GRM8: variants seen among roughly 807,000 people sequenced by gnomAD.
The protein encoded by GRM8 is glutamate metabotropic receptor 8.
Under a neutral mutation model 87.2 loss-of-function variants are expected in GRM8, and 47 were observed. The observed-to-expected ratio is 0.54, with a 90% CI of 0.43 to 0.69. The LOEUF (loss-of-function observed/expected upper bound fraction) is 0.69. GRM8 is among the 30% of genes least tolerant of loss of function. The probability of loss-of-function intolerance (pLI) is 0.00; values close to 1 mark genes in which losing one functional copy is unlikely to be tolerated. For synonymous variants in GRM8, 396 were observed against 404.5 expected (o/e 0.98, Z 0.25); for missense variants, 1,019 against 1,139.2 (o/e 0.89, Z 1.52).
At chr7:126,697,487 G>A (rs1402209121) in intron 7 of GRM8, among the ~76,000 whole-genome samples, 1 of 152,032 alleles carries the variant, frequency 6.6e-6, no homozygotes, top group African/African-American at 2.4e-5. Context: ...AAATATATAT[G>A]TAATATACAT....
intron 6 of GRM8, among the ~76,000 whole-genome samples, chr7:126,828,297 C>T (rs1318568056): frequency 6.6e-6 from 1 of 152,096 alleles, no homozygotes; most frequent in Non-Finnish European, 1.5e-5. Flanking sequence ...GTACCAGTTC[C>T]TCCTTGTACC....
At chr7:126,799,993 C>G (rs1483261137) in intron 6 of GRM8, among the ~76,000 whole-genome samples, 1 of 152,162 alleles carries the variant, frequency 6.6e-6, no homozygotes, top group East Asian at 1.9e-4. Flanking sequence ...TTCCAATTAC[C>G]TTTTCAGAAG....
At chr7:127,205,032 C>T (rs1361958) in intron 2 of GRM8, among the ~76,000 whole-genome samples, 22,836 of 152,202 alleles carry the variant, frequency 0.15, 2,172 homozygotes, top group Middle Eastern at 0.21. Context: ...CAATAGCCTT[C>T]GCCTTTTCCA....
intron 8 of GRM8, among the ~76,000 whole-genome samples, chr7:126,585,025 T>A (rs1795965353): frequency 6.6e-6 from 1 of 152,178 alleles, no homozygotes; most frequent in South Asian, 2.1e-4. Context: ...ATAAAGAAGA[T>A]CTCTGAATTC....
intron 7 of GRM8, among the ~76,000 whole-genome samples, chr7:126,615,439 A>G (rs961442178): frequency 3.3e-5 from 5 of 152,230 alleles, no homozygotes; most frequent in Non-Finnish European, 5.9e-5. Context: ...TGTAAAGACC[A>G]TCAAGGCTAG....
At chr7:126,897,035 G>A (rs1801609575) in intron 6 of GRM8, among the ~76,000 whole-genome samples, 1 of 152,126 alleles carries the variant, frequency 6.6e-6, no homozygotes, top group African/African-American at 2.4e-5. Context: ...ATGAATGAAT[G>A]GATGGATGAA....
intron 3 of GRM8, among the ~76,000 whole-genome samples, chr7:126,963,004 TATAC>T (rs1809473618): frequency 6.6e-6 from 1 of 152,240 alleles, no homozygotes; most frequent in African/African-American, 2.4e-5. Context: ...TAAATATACA[TATAC>T]ATTACCTGTG....
At chr7:127,041,212 A>G (rs1323246006) in intron 3 of GRM8, among the ~76,000 whole-genome samples, 5 of 152,240 alleles carry the variant, frequency 3.3e-5, no homozygotes, top group South Asian at 2.1e-4. Context: ...AGGGGAACAA[A>G]ATGGGGCATA....
intron 7 of GRM8, among the ~76,000 whole-genome samples, chr7:126,733,678 T>C: frequency 6.6e-6 from 1 of 151,976 alleles, no homozygotes. Flanking sequence ...CAAAAATACA[T>C]CATCATGTTG....
chr7:127,016,741 C>T (rs1487468918), intron 3 of GRM8, among the ~76,000 whole-genome samples: 2 of 152,018 alleles, frequency 1.3e-5, no homozygotes, highest in Non-Finnish European at 2.9e-5. Context: ...ATGTAAGTCA[C>T]GAATCTAAAG....
chr7:127,025,939 T>C (rs1816737535), intron 3 of GRM8, among the ~76,000 whole-genome samples: 1 of 152,052 alleles, frequency 6.6e-6, no homozygotes, highest in Non-Finnish European at 1.5e-5. Context: ...ACCATGTTGG[T>C]TTGCTGCACC....
intron 2 of GRM8, among the ~76,000 whole-genome samples, chr7:127,148,111 GC>G (rs1375840250): frequency 6.6e-6 from 1 of 152,008 alleles, no homozygotes; most frequent in African/African-American, 2.4e-5. Context: ...AGTTTGAGAA[GC>G]CTTGACCTTC....
rs1170506531 is a variant in GRM8, at chr7:126,949,798, G to A, written c.728-45115C>T. ...GAGCCAGAGGAATAAGGAAGGGTGG[G>A]GAGGAGGAAGGGAGCAGAGGAGAGC... On this transcript the variant is annotated intron_variant, in intron 3 of 10. Coordinates refer to ENST00000339582, the MANE Select transcript of GRM8 (RefSeq NM_000845.3). Among the ~76,000 whole-genome samples the A allele has an allele frequency of 4.6e-5, 7 of 152,296 alleles. No individual in the cohort carries two copies. In the South Asian group the frequency reaches 1.5e-3, roughly 32 times the overall value.
At chr7:127,036,276 G>C (rs1817832486) in intron 3 of GRM8, among the ~76,000 whole-genome samples, 1 of 152,080 alleles carries the variant, frequency 6.6e-6, no homozygotes. Flanking sequence ...AATCTCCCTT[G>C]TACCCTTCTT....
intron 2 of GRM8, among the ~76,000 whole-genome samples, chr7:127,136,716 GT>G (rs1827962422): frequency 6.6e-6 from 1 of 151,892 alleles, no homozygotes; most frequent in Non-Finnish European, 1.5e-5. Flanking sequence ...GGCAATAGAC[GT>G]CTCTACAAAG....
intron 3 of GRM8, among the ~76,000 whole-genome samples, chr7:126,969,889 T>C (rs1201024291): frequency 6.6e-6 from 1 of 152,190 alleles, no homozygotes; most frequent in Non-Finnish European, 1.5e-5. Context: ...GGCTGCAGAA[T>C]GGATGTTGTG....
At chr7:126,810,361 T>C (rs964612831) in intron 6 of GRM8, among the ~76,000 whole-genome samples, 1 of 152,152 alleles carries the variant, frequency 6.6e-6, no homozygotes, top group African/African-American at 2.4e-5. Context: ...ATGAGTAATC[T>C]GGACAGGTTG....
chr7:127,058,921 C>G (rs988800443), intron 3 of GRM8, among the ~76,000 whole-genome samples: 1 of 152,232 alleles, frequency 6.6e-6, no homozygotes, highest in Admixed American at 6.5e-5. Flanking sequence ...CAGTGTGTGA[C>G]CTCTCTTTCA....
At chr7:126,526,073 G>T (rs919690164) in intron 9 of GRM8, among the ~76,000 whole-genome samples, 37 of 152,046 alleles carry the variant, frequency 2.4e-4, no homozygotes, top group Admixed American at 1.6e-3. Flanking sequence ...ATATATATAT[G>T]TGGTTACAGC....
Sources: gnomAD v4.1 joint callset for allele counts (sites outside exome capture counted in the v4.1 genomes callset) on GRCh38, gnomAD v4.1.1 for gene constraint, MANE v1.5 for transcripts, NCBI Gene and HGNC (gene_info 2026-07-23, HGNC 2026-07-21) for gene names.